The following CINP variants were observed in gnomAD, a reference collection of about 807,000 sequenced individuals.
The protein encoded by CINP is cyclin-dependent kinase 2-interacting protein.
A neutral mutation model predicts 20.5 loss-of-function variants in CINP; 11 were observed. That is an observed-to-expected ratio of 0.54 (90% confidence interval 0.34 to 0.89). The LOEUF (loss-of-function observed/expected upper bound fraction) is 0.89, where lower values mean the gene tolerates loss of function less well. Ranked by LOEUF, CINP falls within the 40% of genes least tolerant of loss-of-function variation. The probability of loss-of-function intolerance (pLI) is 0.02; values close to 1 mark genes in which losing one functional copy is unlikely to be tolerated. For missense variants in CINP, 213 were observed against 251.0 expected, an observed-to-expected ratio of 0.85 and a Z score of 1.02; for synonymous variants, 108 against 102.1, an observed-to-expected ratio of 1.06 and a Z score of -0.35.
chr14:102,359,595 G>A lies in CINP; in HGVS notation c.8-8C>T, dbSNP rs772403351. The A allele has an allele frequency of 3.8e-6, 6 of 1,592,686 alleles. No individual in the cohort carries two copies. Among genetic ancestry groups the A allele is most frequent in the Non-Finnish European group, 5.1e-6 (6 of 1,169,746 alleles). ...CAGTTCCAAGAGTCTTTGCTGATAG[G>A]GTATAAAAGAAACAAAATTATTATC... is the stretch of plus-strand genomic sequence containing the variant. On this transcript the variant is annotated splice_region_variant and splice_polypyrimidine_tract_variant and intron_variant, in intron 1 of 4. Coordinates refer to ENST00000216756, the MANE Select transcript of CINP (RefSeq NM_032630.3).
At chr14:102,355,685 T>C (rs1886982635) in intron 3 of CINP, 83 bp downstream of exon 3, 1 of 1,499,034 alleles carries the variant, frequency 6.7e-7, no homozygotes, top group South Asian at 1.2e-5. Flanking sequence ...GAGTAAGTGA[T>C]GGCCAATGGT....
At chr14:102,352,679 C>A in intron 3 of CINP, 1 of 396,350 alleles carries the variant, frequency 2.5e-6, no homozygotes. Context: ...TTTTTTTTGA[C>A]ACGGAGTCTC....
rs1448155693 is a variant in CINP, at chr14:102,362,842, C to A, written c.7+3G>T. The A allele has an allele frequency of 1.9e-6, 3 of 1,614,008 alleles. No individual in the cohort carries two copies. The highest frequency in any genetic ancestry group is 1.6e-4 in the Middle Eastern group (1 of 6,082). ...CCCCGGGAAAGGAACCGATCTCACG[C>A]ACCTTCCATAAGGTCCACAGATATC... On this transcript the variant is annotated splice_donor_region_variant and intron_variant, in intron 1 of 4. Coordinates refer to ENST00000216756, the MANE Select transcript of CINP (RefSeq NM_032630.3).
chr14:102,362,699 G>T, intron 1 of CINP, 146 bp downstream of exon 1: 1 of 1,074,040 alleles, frequency 9.3e-7, no homozygotes, highest in Non-Finnish European at 1.4e-6. Context: ...GCTGCGAGGG[G>T]CCTGCGGGCT....
In CINP at chr14:102,358,430, C is replaced by T. The variant is rs539612764; in HGVS notation, c.176+989G>A. On this transcript the variant is annotated intron_variant, in intron 2 of 4. Coordinates refer to ENST00000216756, the MANE Select transcript of CINP (RefSeq NM_032630.3). ...GCGCAGTGGCTCATGCCTGTAATAC[C>T]GGCATTTAGGGAGGCCAAGGTGGGC... 3.9e-5 allele frequency among the ~76,000 whole-genome samples: 6 copies of T among 152,294 alleles called. No homozygotes were observed. The East Asian group carries it at 5.8e-4, about 15-fold the overall frequency.
chr14:102,350,895 G>C (rs1003322154), intron 3 of CINP, among the ~76,000 whole-genome samples: 1 of 146,472 alleles, frequency 6.8e-6, no homozygotes, highest in South Asian at 2.2e-4. Context: ...GCGAGATCTC[G>C]GTTCACTACA....
chr14:102,362,449 C>G (rs1887187488), intron 1 of CINP: 1 of 676,412 alleles, frequency 1.5e-6, no homozygotes, highest in Non-Finnish European at 2.7e-6. Flanking sequence ...CGAAAGCCAG[C>G]TTTCATTACA....
rs1886860657 is a variant in CINP, at chr14:102,351,222, A to G, written c.307-1174T>C. On this transcript the variant is annotated intron_variant, in intron 3 of 4. Transcript: ENST00000216756. The surrounding 1 kb of genome is among the most constrained non-coding windows in gnomAD (Gnocchi z 4.2). ...AAAGGGAGCCCTACACACTTCACGCAGAAAGGAAGGAAACGTGGCAAGCTG... is the reference window on the plus strand; with the variant it reads ...AAAGGGAGCCCTACACACTTCACGCGGAAAGGAAGGAAACGTGGCAAGCTG... Among the ~76,000 whole-genome samples, 1 of 152,342 alleles carries G rather than the reference A, an allele frequency of 6.6e-6. No homozygotes were observed. The highest frequency in any genetic ancestry group is 1.9e-4 in the East Asian group (1 of 5,182).
At chr14:102,353,832 T>TG (rs1886930868) in intron 3 of CINP, among the ~76,000 whole-genome samples, 1 of 150,386 alleles carries the variant, frequency 6.6e-6, no homozygotes, top group African/African-American at 2.4e-5. Flanking sequence ...CTCACACCTG[T>TG]GATCCCAGCA....
chr14:102,358,620 A>T (rs1887050494), intron 2 of CINP, among the ~76,000 whole-genome samples: 1 of 152,134 alleles, frequency 6.6e-6, no homozygotes. Context: ...GGCAGAAGTT[A>T]GAGTGAGCCA....
chr14:102,358,651 A>G (rs1025355242), intron 2 of CINP, among the ~76,000 whole-genome samples: 8 of 152,218 alleles, frequency 5.3e-5, no homozygotes, highest in Non-Finnish European at 1.2e-4. Flanking sequence ...ATTGCACTCC[A>G]GCCTGGGGGA....
At chr14:102,358,741 T>C (rs1887055529) in intron 2 of CINP, among the ~76,000 whole-genome samples, 2 of 152,158 alleles carry the variant, frequency 1.3e-5, no homozygotes. Context: ...ATAACATATG[T>C]TTTTTGTTTA....
rs777845643 is a variant in CINP at position 102,359,464 on chromosome 14, C to G, written c.131G>C (p.Gly44Ala). 6.2e-7 allele frequency: 1 copy of G among 1,610,328 alleles called. No individual in the cohort carries two copies. Among genetic ancestry groups the G allele is most frequent in the South Asian group, 1.1e-5 (1 of 90,486 alleles). ...ILKWETLNDA[G>A]FTTANNIANL... Reference sequence around the variant, plus strand: ...GGCAATATTATTTGCAGTGGTAAAACCTGCATCATTGAGGGTTTCCCACTT... The same window carrying G: ...GGCAATATTATTTGCAGTGGTAAAAGCTGCATCATTGAGGGTTTCCCACTT... The change falls in exon 2 of 5, where the codon GGT (glycine) becomes GCT (alanine). Residue 44 changes from glycine to alanine, a missense_variant. Gly to Ala is a moderately conservative substitution (Grantham distance 60). Transcript: ENST00000216756.
chr14:102,362,536 G>T, intron 1 of CINP: 1 of 702,924 alleles, frequency 1.4e-6, no homozygotes, highest in South Asian at 1.5e-5. Context: ...GGTACCCAGT[G>T]AACTCTGTTA....
At chr14:102,358,411 T>C (rs901872484) in intron 2 of CINP, among the ~76,000 whole-genome samples, 30 of 152,226 alleles carry the variant, frequency 2.0e-4, no homozygotes, top group African/African-American at 7.0e-4. Context: ...CTGGGCGCAG[T>C]GGCTCATGCC....
chr14:102,356,470 G>A (rs78355328), intron 2 of CINP, among the ~76,000 whole-genome samples: 2,772 of 151,824 alleles, frequency 0.018, 39 homozygotes, highest in Non-Finnish European at 0.029. Context: ...AGGGCATGGT[G>A]CTGGATGTAC....
At chr14:102,356,227 C>A (rs1403537419) in intron 2 of CINP, among the ~76,000 whole-genome samples, 1 of 152,036 alleles carries the variant, frequency 6.6e-6, no homozygotes, top group Non-Finnish European at 1.5e-5. Flanking sequence ...CCAGCCTGGG[C>A]AACACAGTGA....
intron 2 of CINP, among the ~76,000 whole-genome samples, chr14:102,357,389 A>AG (rs1158738247): frequency 6.6e-6 from 1 of 151,638 alleles, no homozygotes; most frequent in African/African-American, 2.4e-5. Context: ...CTCTACAAAA[A>AG]AAAAAAAAAA....
intron 1 of CINP, among the ~76,000 whole-genome samples, chr14:102,362,204 A>T (rs1887180532): frequency 1.3e-5 from 2 of 152,202 alleles, no homozygotes; most frequent in Admixed American, 1.3e-4. Context: ...CATATTTAGG[A>T]ACCAAAAACA....
Sources: gnomAD v4.1 joint callset for allele counts (sites outside exome capture counted in the v4.1 genomes callset) on GRCh38, gnomAD v4.1.1 for gene constraint, Gnocchi (gnomAD v3.1) non-coding constraint, MANE v1.5 for transcripts, NCBI Gene and HGNC (gene_info 2026-07-23, HGNC 2026-07-21) for gene names.